RAP2A: variants seen among roughly 807,000 people sequenced by gnomAD.
RAP2A encodes ras-related protein Rap-2a.
A neutral mutation model predicts 15.1 loss-of-function variants in RAP2A; 5 were observed. The ratio of observed to expected loss-of-function variants is 0.33; its 90% CI spans 0.17 to 0.70. The LOEUF (loss-of-function observed/expected upper bound fraction) is 0.70. Ranked by LOEUF, RAP2A falls within the 30% of genes least tolerant of loss-of-function variation. The probability of loss-of-function intolerance (pLI) is 0.68; values close to 1 mark genes in which losing one functional copy is unlikely to be tolerated. For missense variants in RAP2A, 111 were observed against 240.3 expected (o/e 0.46, Z 3.56); for synonymous variants, 110 against 99.7 (o/e 1.10, Z -0.62).
rs530188740 is a variant in RAP2A, at chr13:97,455,665, TAGG to T, written c.315-8537_315-8535del. ...ACCACTCAGTGGCTAGTCTGAGACA[TAGG>T]AGTGGTTTAAATTGTAGTTCAGTTC... On this transcript the variant is annotated intron_variant, in intron 1 of 1. Coordinates refer to ENST00000245304, the MANE Select transcript of RAP2A (RefSeq NM_021033.7). Among the ~76,000 whole-genome samples, 706 of 151,660 alleles carry T rather than the reference TAGG, an allele frequency of 4.7e-3. 20 individuals carry two copies. The highest frequency in any genetic ancestry group is 6.1e-3 in the Non-Finnish European group (414 of 67,898).
intron 1 of RAP2A, among the ~76,000 whole-genome samples, chr13:97,442,323 AATAC>A: frequency 6.6e-6 from 1 of 152,114 alleles, no homozygotes; most frequent in East Asian, 1.9e-4. Context: ...TTATTTCTCT[AATAC>A]ATTTAAGATT....
chr13:97,454,967 T>C (rs976954318), intron 1 of RAP2A, among the ~76,000 whole-genome samples: 8 of 151,294 alleles, frequency 5.3e-5, no homozygotes, highest in African/African-American at 2.0e-4. Flanking sequence ...CTGTGGTTTC[T>C]GATGAGAAAT....
chr13:97,445,080 A>T (rs556554834), intron 1 of RAP2A, among the ~76,000 whole-genome samples: 4 of 152,296 alleles, frequency 2.6e-5, no homozygotes, highest in Non-Finnish European at 5.9e-5. Flanking sequence ...CCCATTCATG[A>T]GGGTGGAGCC....
intron 1 of RAP2A, chr13:97,436,065 C>T (rs925046766): frequency 6.6e-6 from 1 of 152,152 alleles, no homozygotes; most frequent in Non-Finnish European, 1.5e-5. Context: ...TTGCTCCACC[C>T]CCCCTTAACT....
chr13:97,455,419 T>G (rs2066718879), intron 1 of RAP2A, among the ~76,000 whole-genome samples: 4 of 151,536 alleles, frequency 2.6e-5, no homozygotes, highest in Admixed American at 2.6e-4. Flanking sequence ...TTCTGGTTCT[T>G]TGCATGTTTG....
At chr13:97,441,015 G>A (rs1464505611) in intron 1 of RAP2A, among the ~76,000 whole-genome samples, 1 of 152,084 alleles carries the variant, frequency 6.6e-6, no homozygotes, top group East Asian at 1.9e-4. Context: ...GGAAACTTTT[G>A]TTTTGGCTGC....
Position 97,468,965 on chromosome 13 carries a change from C to T in RAP2A, c.*4523C>T, listed in dbSNP as rs2066784021. The T allele has an allele frequency of 6.6e-6, 1 of 152,198 alleles. No homozygotes were observed. The highest frequency in any genetic ancestry group is 1.5e-5 in the Non-Finnish European group (1 of 68,040). The allele number at this position is 152,198 out of a possible 1,614,324, so 9.4% of individuals were successfully genotyped here. A position where few individuals can be genotyped will look rare whatever the true frequency, so the allele number is the denominator to read the frequency against. On this transcript the variant is annotated 3_prime_UTR_variant, in exon 2 of 2. Coordinates refer to ENST00000245304, the MANE Select transcript of RAP2A (RefSeq NM_021033.7). ...ATCTATGAAGCAGAGAATATTACCA[C>T]AAACTTCTGAAAGAAGCTGTTGACC...
In RAP2A at chr13:97,466,308, G is replaced by A. The variant is rs1442005999; in HGVS notation, c.*1866G>A. The A allele has an allele frequency of 2.0e-5, 3 of 151,494 alleles. No individual in the cohort carries two copies. The highest frequency in any genetic ancestry group is 1.3e-4 in the Admixed American group (2 of 15,180). 9.4% of individuals were successfully genotyped at this position (151,494 alleles called of 1,614,324 possible). A position where few individuals can be genotyped will look rare whatever the true frequency, so the allele number is the denominator to read the frequency against. On this transcript the variant is annotated 3_prime_UTR_variant, in exon 2 of 2. Coordinates refer to ENST00000245304, the MANE Select transcript of RAP2A (RefSeq NM_021033.7). ...TAGCTGTCATAAATCTTTGACTTTT[G>A]AATATTTACATTCTTCAGTATAATT...
chr13:97,467,942 A>G lies in RAP2A; in HGVS notation c.*3500A>G, dbSNP rs2066779757. 1.3e-5 allele frequency: 2 copies of G among 152,750 alleles called. No individual in the cohort carries two copies. Among genetic ancestry groups the G allele is most frequent in the South Asian group, 4.1e-4 (2 of 4,824 alleles). 9.5% of individuals were successfully genotyped at this position (152,750 alleles called of 1,614,324 possible). ...AGTTATAACTCAATGCAAATTCAAC[A>G]GTTGTATTTGGAGTTAAATTATTTT... On this transcript the variant is annotated 3_prime_UTR_variant, in exon 2 of 2. Transcript: ENST00000245304.
intron 1 of RAP2A, among the ~76,000 whole-genome samples, chr13:97,457,361 G>A (rs977998651): frequency 2.0e-5 from 3 of 151,746 alleles, no homozygotes; most frequent in Admixed American, 1.3e-4. Flanking sequence ...GGGGGTGGGG[G>A]CCTTCATATG....
chr13:97,456,838 A>AT, intron 1 of RAP2A, among the ~76,000 whole-genome samples: 1 of 152,192 alleles, frequency 6.6e-6, no homozygotes. Flanking sequence ...ATTACCAGAA[A>AT]TGCCCTTTTA....
intron 1 of RAP2A, among the ~76,000 whole-genome samples, chr13:97,457,763 G>C (rs1396089462): frequency 6.6e-6 from 1 of 152,100 alleles, no homozygotes; most frequent in Non-Finnish European, 1.5e-5. Context: ...AATAGTTATA[G>C]TGATCATTCT....
chr13:97,437,844 T>A (rs2066640881), intron 1 of RAP2A, among the ~76,000 whole-genome samples: 1 of 152,218 alleles, frequency 6.6e-6, no homozygotes, highest in African/African-American at 2.4e-5. Context: ...ATGGAGCTTT[T>A]CATTTTTCAT....
At position 97,468,448 on chromosome 13, in the gene RAP2A, G is replaced by A. The variant is rs2066781991; in HGVS notation, c.*4006G>A. 6.6e-6 allele frequency: 1 copy of A among 152,186 alleles called. No individual in the cohort carries two copies. Among genetic ancestry groups the A allele is most frequent in the Non-Finnish European group, 1.5e-5 (1 of 68,034 alleles). The allele number at this position is 152,186 out of a possible 1,614,324, so 9.4% of individuals were successfully genotyped here. A position where few individuals can be genotyped will look rare whatever the true frequency, so the allele number is the denominator to read the frequency against. On this transcript the variant is annotated 3_prime_UTR_variant, in exon 2 of 2. Coordinates refer to ENST00000245304, the MANE Select transcript of RAP2A (RefSeq NM_021033.7). ...GCTGTAGGGCCTGCTTGTTCTATAT[G>A]GGGCCCTATGAAAGTTGACAGATGC...
rs553368267 is a variant in RAP2A at position 97,468,059 on chromosome 13, T to C, written c.*3617T>C. ...TATTATATACAAAAACAATTAAAAA[T>C]TGCCATATAATGAATTTAGTACTCT... is the stretch of plus-strand genomic sequence containing the variant. On this transcript the variant is annotated 3_prime_UTR_variant, in exon 2 of 2. Transcript: ENST00000245304. 32 of 152,314 alleles carry C rather than the reference T, an allele frequency of 2.1e-4. No individual in the cohort carries two copies. The highest frequency in any genetic ancestry group is 7.5e-4 in the African/African-American group (31 of 41,586). 9.4% of individuals were successfully genotyped at this position (152,314 alleles called of 1,614,324 possible).
At position 97,464,395 on chromosome 13, in the gene RAP2A, C is replaced by A. The variant is rs776302568; in HGVS notation, c.505C>A (p.Gln169Lys). 1 of 1,614,220 alleles carries A rather than the reference C, an allele frequency of 6.2e-7. No homozygotes were observed. Among genetic ancestry groups the A allele is most frequent in the South Asian group, 1.1e-5 (1 of 91,090 alleles). Residue 169 changes from glutamine to lysine, a missense_variant, in exon 2 of 2, where the codon CAG (glutamine) becomes AAG (lysine). Physicochemically the swap from Gln to Lys is moderately conservative, Grantham distance 53 (BLOSUM62 1). Around this residue, in one of 3 missense-constraint regions of RAP2A, gnomAD observed 74 missense variants for 132.3 expected, o/e 0.56. Coordinates refer to ENST00000245304, the MANE Select transcript of RAP2A (RefSeq NM_021033.7). ...EIVRQMNYAAQPDKDDPCCSA... is the reference protein window; with the variant it reads ...EIVRQMNYAAKPDKDDPCCSA... ...TGTGAGGCAGATGAACTATGCTGCT[C>A]AGCCTGACAAAGATGACCCATGCTG...
At chr13:97,444,836 A>G (rs1201764500) in intron 1 of RAP2A, among the ~76,000 whole-genome samples, 1 of 152,172 alleles carries the variant, frequency 6.6e-6, no homozygotes, top group Admixed American at 6.5e-5. Flanking sequence ...TTGTATATTT[A>G]TATATAATCG....
rs1364868180 is a variant in RAP2A, at chr13:97,468,324, TA to T, written c.*3886del. ...AATTAACATTAATTAGCAATATCACTAAAATGATTCAGAGGCCTTCTAGTGA... is the reference window on the plus strand; with the variant it reads ...AATTAACATTAATTAGCAATATCACTAAATGATTCAGAGGCCTTCTAGTGA... On this transcript the variant is annotated 3_prime_UTR_variant, in exon 2 of 2. Transcript: ENST00000245304. 1 of 152,248 alleles carries T rather than the reference TA, an allele frequency of 6.6e-6. No homozygotes were observed. The highest frequency in any genetic ancestry group is 2.4e-5 in the African/African-American group (1 of 41,472). 9.4% of individuals were successfully genotyped at this position (152,248 alleles called of 1,614,324 possible).
intron 1 of RAP2A, among the ~76,000 whole-genome samples, chr13:97,451,757 A>T (rs1191716011): frequency 4.0e-5 from 6 of 151,452 alleles, no homozygotes; most frequent in Admixed American, 4.0e-4. Context: ...GTAGTTGTAA[A>T]CAGCAAGAGT....
Sources: gnomAD v4.1 joint callset for allele counts (sites outside exome capture counted in the v4.1 genomes callset) on GRCh38, gnomAD v4.1.1 for gene constraint, gnomAD v4.1.1 regional missense constraint, MANE v1.5 for transcripts, NCBI Gene and HGNC (gene_info 2026-07-23, HGNC 2026-07-21) for gene names.